Variants in AFF1 observed in about 807,000 individuals in gnomAD.
AFF1 encodes the protein AF4/FMR2 family member 1.
Under a neutral mutation model 121.7 loss-of-function variants are expected in AFF1, and 48 were observed. The observed-to-expected ratio is 0.39, with a 90% confidence interval of 0.31 to 0.50. The LOEUF (loss-of-function observed/expected upper bound fraction) is 0.50. AFF1 is among the 20% of genes least tolerant of loss of function. The pLI is 0.76. For synonymous variants in AFF1, 613 were observed against 563.0 expected (o/e 1.09, Z -1.26); for missense variants, 1,523 against 1,511.7 (o/e 1.01, Z -0.12).
chr4:86,980,616 G>A (rs1434919208), intron 2 of AFF1, among the ~76,000 whole-genome samples: 1 of 151,984 alleles, frequency 6.6e-6, no homozygotes, highest in Non-Finnish European at 1.5e-5. Flanking sequence ...TTTAAAGTAA[G>A]GTATAGGACA....
intron 8 of AFF1, among the ~76,000 whole-genome samples, chr4:87,102,849 G>T (rs748118287): frequency 2.0e-5 from 3 of 152,186 alleles, no homozygotes; most frequent in Non-Finnish European, 4.4e-5. Context: ...GCTCACCCAG[G>T]TGTGCTGTAG....
chr4:86,949,697 A>G, intron 2 of AFF1: 1 of 1,576,978 alleles, frequency 6.3e-7, no homozygotes, highest in Non-Finnish European at 8.6e-7. Flanking sequence ...GGGCATGCGC[A>G]GGGGCGGGTA....
intron 2 of AFF1, among the ~76,000 whole-genome samples, chr4:87,038,151 G>A (rs1359870546): frequency 6.6e-6 from 1 of 152,156 alleles, no homozygotes; most frequent in East Asian, 1.9e-4. Flanking sequence ...AAATCAGATT[G>A]TAAGACTTTG....
At chr4:86,988,968 A>G (rs1250927601) in intron 2 of AFF1, among the ~76,000 whole-genome samples, 1 of 152,214 alleles carries the variant, frequency 6.6e-6, no homozygotes, top group Admixed American at 6.5e-5. Flanking sequence ...ATGGTTTGGG[A>G]AAACTGGCTA....
intron 4 of AFF1, among the ~76,000 whole-genome samples, chr4:87,069,402 T>A (rs1721740042): frequency 6.6e-6 from 1 of 150,448 alleles, no homozygotes; most frequent in Admixed American, 6.6e-5. Context: ...TCCTCTCTTT[T>A]CTGTCTCTCC....
intron 10 of AFF1, among the ~76,000 whole-genome samples, chr4:87,107,075 T>C (rs1725983224): frequency 8.0e-6 from 1 of 124,810 alleles, no homozygotes; most frequent in South Asian, 2.5e-4. Flanking sequence ...CATCACTGGC[T>C]TACGCTCTTC....
chr4:87,097,735 A>G (rs1725011560), intron 8 of AFF1, among the ~76,000 whole-genome samples: 2 of 152,138 alleles, frequency 1.3e-5, no homozygotes, highest in South Asian at 4.2e-4. Context: ...TGGGGGGTAG[A>G]CGTGGTGGTA....
intron 8 of AFF1, among the ~76,000 whole-genome samples, chr4:87,096,568 G>T (rs559752528): frequency 3.3e-5 from 5 of 151,154 alleles, no homozygotes; most frequent in African/African-American, 1.2e-4. Flanking sequence ...TGGAGACAAG[G>T]TTGCTTTGTT....
chr4:87,128,324 T>C (rs1197687093), intron 16 of AFF1, among the ~76,000 whole-genome samples: 1 of 152,240 alleles, frequency 6.6e-6, no homozygotes, highest in African/African-American at 2.4e-5. Context: ...TTGGACTTTC[T>C]AAAAGGTGGT....
chr4:86,947,435 C>T (rs1357615770), intron 1 of AFF1, among the ~76,000 whole-genome samples: 1 of 152,118 alleles, frequency 6.6e-6, no homozygotes, highest in African/African-American at 2.4e-5. Context: ...AGTGTTTCAA[C>T]CTCAGCCAAA....
rs528935693 is a variant in AFF1, at chr4:87,025,197, C to G, written c.39-20969C>G. On this transcript the variant is annotated intron_variant, in intron 2 of 20. Transcript: ENST00000395146. ...AGGAAGGGGCACCAAAGCCTGTGCT[C>G]CTTTGCCAGCACTTGGACTCCAGCT... Among the ~76,000 whole-genome samples the G allele has an allele frequency of 2.6e-5, 4 of 152,308 alleles. No individual in the cohort carries two copies. The South Asian group carries it at 8.3e-4, about 32-fold the overall frequency.
intron 2 of AFF1, among the ~76,000 whole-genome samples, chr4:87,016,015 T>C (rs1727255449): frequency 6.6e-6 from 1 of 152,204 alleles, no homozygotes; most frequent in South Asian, 2.1e-4. Flanking sequence ...ACCTCGTCTC[T>C]ACTAAAAATA....
intron 11 of AFF1, among the ~76,000 whole-genome samples, chr4:87,112,210 G>C (rs1726607910): frequency 6.6e-6 from 1 of 152,140 alleles, no homozygotes; most frequent in Admixed American, 6.5e-5. Flanking sequence ...TTGACAAGTG[G>C]GTATTGTGTG....
rs940574382 is a variant in AFF1 at position 87,129,991 on chromosome 4, T to C, written c.2965-1092T>C. On this transcript the variant is annotated intron_variant, in intron 16 of 20. Coordinates refer to ENST00000395146, the MANE Select transcript of AFF1 (RefSeq NM_001166693.3). ...CTTTTTTTCTTTTTCTTTTTTTTTT[T>C]TGAGCCAGAGTCTTGCTCTGCCACC... 8.0e-4 allele frequency among the ~76,000 whole-genome samples: 122 copies of C among 151,832 alleles called. 2 individuals carry two copies. Among genetic ancestry groups the C allele is most frequent in the Non-Finnish European group, 1.0e-3 (69 of 67,970 alleles).
rs34636402 is a variant in AFF1 at position 87,140,472 on chromosome 4, ATATAT to A, written c.*4792_*4796del. On this transcript the variant is annotated 3_prime_UTR_variant, in exon 21 of 21. Coordinates refer to ENST00000395146, the MANE Select transcript of AFF1 (RefSeq NM_001166693.3). ...TGCCTTTTTTTTATTTATTACCATT[ATATAT>A]TATATTATATTATATTATATATTTT... 95,355 of 161,552 alleles carry A rather than the reference ATATAT, an allele frequency of 0.59. 28,539 individuals are homozygous for A. Among genetic ancestry groups the A allele is most frequent in the Admixed American group, 0.67 (10,081 of 15,022 alleles). 10.0% of individuals were successfully genotyped at this position (161,552 alleles called of 1,614,324 possible). A position where few individuals can be genotyped will look rare whatever the true frequency, so the allele number is the denominator to read the frequency against.
chr4:87,017,665 G>T (rs528115210), intron 2 of AFF1, among the ~76,000 whole-genome samples: 2 of 152,096 alleles, frequency 1.3e-5, no homozygotes, highest in African/African-American at 4.8e-5. Context: ...AAATAAAAGC[G>T]TTCGGGCAAA....
rs115603650 is a variant in AFF1, at chr4:87,067,770, A to G, written c.1060-16350A>G. ...GTTTCTAATATGTCAGAATTGGTTT[A>G]GCTTAAGCTAAAAAGAAAATTATAG... On this transcript the variant is annotated intron_variant, in intron 4 of 20. Transcript: ENST00000395146. 2.2e-3 allele frequency among the ~76,000 whole-genome samples: 334 copies of G among 152,344 alleles called. 2 individuals are homozygous for G. Among genetic ancestry groups the G allele is most frequent in the African/African-American group, 7.6e-3 (316 of 41,584 alleles).
chr4:87,099,698 T>G (rs559963986), intron 8 of AFF1, among the ~76,000 whole-genome samples: 222 of 152,330 alleles, frequency 1.5e-3, no homozygotes, highest in African/African-American at 5.2e-3. Context: ...CGTGAGCCAC[T>G]GTGCCCGGCC....
intron 17 of AFF1, 127 bp from the exon 18 acceptor site, chr4:87,131,666 A>T: frequency 2.4e-6 from 2 of 841,938 alleles, no homozygotes; most frequent in South Asian, 1.8e-5. Flanking sequence ...GGGTTTTTAA[A>T]TTTTTTTCCT....
Sources: gnomAD v4.1 joint callset for allele counts (sites outside exome capture counted in the v4.1 genomes callset) on GRCh38, gnomAD v4.1.1 for gene constraint, MANE v1.5 for transcripts, NCBI Gene and HGNC (gene_info 2026-07-23, HGNC 2026-07-21) for gene names.